ARHGEF3: variants seen among roughly 807,000 people sequenced by gnomAD.
The protein encoded by ARHGEF3 is Rho guanine nucleotide exchange factor 3, also known as 59.8 kDA protein.
ARHGEF3 carries 28 observed loss-of-function variants against 63.2 expected under a neutral mutation model. That is an observed-to-expected ratio of 0.44 (90% CI 0.33 to 0.61). The LOEUF is 0.61. Among genes scored for constraint, ARHGEF3 ranks in the 20% least tolerant of loss-of-function variants. ARHGEF3 has a pLI of 0.03. For synonymous variants in ARHGEF3, 266 were observed against 254.2 expected (o/e 1.05, Z -0.44); for missense variants, 533 against 659.3 (o/e 0.81, Z 2.10).
chr3:56,737,051 G>A, intron 8 of ARHGEF3, 134 bp downstream of exon 8: 2 of 1,036,646 alleles, frequency 1.9e-6, no homozygotes, highest in Non-Finnish European at 2.7e-6. Flanking sequence ...GCCAGCCTGG[G>A]TGACAAAGCG....
At chr3:57,079,238 G>T in exon 1 of ARHGEF3, 1 of 396,996 alleles carries the variant, frequency 2.5e-6, no homozygotes, top group Non-Finnish European at 4.4e-6. Context: ...CGACCCCCGC[G>T]CTGGTTCGGC....
intron 1 of ARHGEF3, among the ~76,000 whole-genome samples, chr3:57,053,821 G>A (rs1704783610): frequency 6.6e-6 from 1 of 152,222 alleles, no homozygotes; most frequent in African/African-American, 2.4e-5. Context: ...TCCGCGTTGT[G>A]GCATGCAGCA....
chr3:56,754,932 T>C, intron 3 of ARHGEF3, 49 bp downstream of exon 3: 1 of 1,610,456 alleles, frequency 6.2e-7, no homozygotes, highest in Non-Finnish European at 8.5e-7. Flanking sequence ...GACGCTGCAA[T>C]GCACCTTTGT....
At chr3:56,985,459 C>G (rs1376487382) in intron 2 of ARHGEF3, among the ~76,000 whole-genome samples, 1 of 152,238 alleles carries the variant, frequency 6.6e-6, no homozygotes, top group Non-Finnish European at 1.5e-5. Flanking sequence ...ACTGTCCTGG[C>G]ACTGGGGCAG....
intron 4 of ARHGEF3, among the ~76,000 whole-genome samples, chr3:56,846,244 A>G (rs1455664024): frequency 6.6e-6 from 1 of 152,198 alleles, no homozygotes. Flanking sequence ...ACTCTACTTC[A>G]TGCCTCAAAG....
chr3:56,794,381 G>A (rs530487032), intron 1 of ARHGEF3, among the ~76,000 whole-genome samples: 3 of 151,662 alleles, frequency 2.0e-5, no homozygotes, highest in South Asian at 2.1e-4. Flanking sequence ...CCAGCTACTC[G>A]GGAGGCTCAG....
intron 4 of ARHGEF3, among the ~76,000 whole-genome samples, chr3:56,825,655 A>C (rs1181272724): frequency 6.6e-6 from 1 of 152,190 alleles, no homozygotes; most frequent in Non-Finnish European, 1.5e-5. Context: ...GTGAGGCTTC[A>C]TTTTTATAGG....
At chr3:56,991,732 C>T (rs536292365) in intron 2 of ARHGEF3, among the ~76,000 whole-genome samples, 20 of 152,156 alleles carry the variant, frequency 1.3e-4, no homozygotes, top group Admixed American at 8.5e-4. Context: ...CTCCCACCTC[C>T]GCCTCCCGAG....
chr3:56,786,405 A>G (rs2036816698), intron 1 of ARHGEF3, among the ~76,000 whole-genome samples: 1 of 151,778 alleles, frequency 6.6e-6, no homozygotes, highest in Non-Finnish European at 1.5e-5. Context: ...TTGCCCCCAC[A>G]CCCCCCAAAT....
At chr3:56,794,640 C>T (rs1172525753) in intron 1 of ARHGEF3, among the ~76,000 whole-genome samples, 1 of 152,020 alleles carries the variant, frequency 6.6e-6, no homozygotes, top group African/African-American at 2.4e-5. Flanking sequence ...GTTCCAGAAC[C>T]CTCTCAGATA....
At chr3:56,857,800 G>C (rs1167189627) in intron 4 of ARHGEF3, among the ~76,000 whole-genome samples, 1 of 152,114 alleles carries the variant, frequency 6.6e-6, no homozygotes, top group Non-Finnish European at 1.5e-5. Flanking sequence ...GGAGTGCAGT[G>C]GCTATTCACA....
At chr3:57,022,251 G>A (rs1703289851) in intron 2 of ARHGEF3, among the ~76,000 whole-genome samples, 1 of 152,176 alleles carries the variant, frequency 6.6e-6, no homozygotes, top group Non-Finnish European at 1.5e-5. Flanking sequence ...TCCAGCCTGG[G>A]TAACAGACAC....
At chr3:56,983,361 C>G (rs181036802) in intron 2 of ARHGEF3, among the ~76,000 whole-genome samples, 12 of 152,264 alleles carry the variant, frequency 7.9e-5, no homozygotes, top group Admixed American at 2.0e-4. Context: ...GTCTCCATCC[C>G]TCCCCACTGT....
intron 2 of ARHGEF3, among the ~76,000 whole-genome samples, chr3:57,020,436 G>T (rs1703207645): frequency 6.6e-6 from 1 of 152,116 alleles, no homozygotes; most frequent in Non-Finnish European, 1.5e-5. Flanking sequence ...CCTTCCCATT[G>T]GGGGACCACC....
intron 4 of ARHGEF3, among the ~76,000 whole-genome samples, chr3:56,836,457 A>AT (rs1578639734): frequency 6.6e-6 from 1 of 152,076 alleles, no homozygotes; most frequent in Admixed American, 6.6e-5. Context: ...TTCAGAATGT[A>AT]TTTTTTCAGT....
Position 56,956,632 on chromosome 3 carries a change from T to A in ARHGEF3, c.129+2191A>T, listed in dbSNP as rs187726696. On this transcript the variant is annotated intron_variant, in intron 3 of 12. Transcript: ENST00000338458. ...GTTAGCCTGGTTCCAGGGAATTTCATGATGTGCAGGACTTTCAGTGCTCAA... is the reference window on the plus strand; with the variant it reads ...GTTAGCCTGGTTCCAGGGAATTTCAAGATGTGCAGGACTTTCAGTGCTCAA... Among the ~76,000 whole-genome samples, 3 of 152,300 alleles carry A rather than the reference T, an allele frequency of 2.0e-5. No homozygotes were observed. The East Asian group carries it at 5.8e-4, about 29-fold the overall frequency.
chr3:56,848,401 T>C (rs1022564554), intron 4 of ARHGEF3, among the ~76,000 whole-genome samples: 13 of 152,288 alleles, frequency 8.5e-5, no homozygotes, highest in African/African-American at 3.1e-4. Context: ...ACTTAACTCC[T>C]CAGACCCTCG....
At chr3:56,990,963 G>A (rs911653041) in intron 2 of ARHGEF3, among the ~76,000 whole-genome samples, 3 of 152,174 alleles carry the variant, frequency 2.0e-5, no homozygotes, top group Admixed American at 6.5e-5. Flanking sequence ...CACACTGTGG[G>A]TGAAGCCACA....
intron 2 of ARHGEF3, among the ~76,000 whole-genome samples, chr3:57,012,719 G>A (rs1702752539): frequency 6.6e-6 from 1 of 152,232 alleles, no homozygotes; most frequent in Non-Finnish European, 1.5e-5. Flanking sequence ...AGTGAGAGGT[G>A]ACAGTGTGCT....
Sources: gnomAD v4.1 joint callset for allele counts (sites outside exome capture counted in the v4.1 genomes callset) on GRCh38, gnomAD v4.1.1 for gene constraint, MANE v1.5 for transcripts, NCBI Gene and HGNC (gene_info 2026-07-23, HGNC 2026-07-21) for gene names.